DEPDC5: variants seen among roughly 807,000 people sequenced by gnomAD.
DEPDC5 encodes the protein GATOR1 complex protein DEPDC5.
A neutral mutation model predicts 217.3 loss-of-function variants in DEPDC5; 73 were observed. The observed-to-expected ratio is 0.34, with a 90% confidence interval of 0.28 to 0.41. The LOEUF (loss-of-function observed/expected upper bound fraction) is 0.41. DEPDC5 is among the 10% of genes least tolerant of loss of function. DEPDC5 has a pLI of 1.00. For missense variants in DEPDC5, 1,675 were observed against 2,070.1 expected (o/e 0.81, Z 3.70); for synonymous variants, 733 against 756.7 (o/e 0.97, Z 0.51).
At chr22:31,824,160 A>G (rs1365809005) in intron 24 of DEPDC5, among the ~76,000 whole-genome samples, 1 of 152,166 alleles carries the variant, frequency 6.6e-6, no homozygotes, top group East Asian at 1.9e-4. Context: ...AGCCTGGCCA[A>G]CGTGGTGAAA....
intron 38 of DEPDC5, among the ~76,000 whole-genome samples, chr22:31,886,698 T>C (rs1300047250): frequency 7.0e-6 from 1 of 142,880 alleles, no homozygotes; most frequent in African/African-American, 2.6e-5. Context: ...AAACGGAGGT[T>C]GCAGTGAGCC....
chr22:31,820,858 A>C lies in DEPDC5; in HGVS notation c.1871-644A>C, dbSNP rs1000100429. 4.6e-5 allele frequency among the ~76,000 whole-genome samples: 7 copies of C among 152,096 alleles called. No individual in the cohort carries two copies. The South Asian group carries it at 1.0e-3, about 23-fold the overall frequency. On this transcript the variant is annotated intron_variant, in intron 22 of 42. Transcript: ENST00000651528. ...AGGGTTCCCTGTCTTCCTCATTCCT[A>C]TCCTCAGAGGCTCTCTTCCTTCTTG... is the stretch of plus-strand genomic sequence containing the variant.
intron 33 of DEPDC5, among the ~76,000 whole-genome samples, chr22:31,862,579 A>G (rs1321226423): frequency 6.6e-6 from 1 of 152,232 alleles, no homozygotes; most frequent in East Asian, 1.9e-4. Flanking sequence ...AAATAATAAT[A>G]ACAAAATAGA....
chr22:31,873,078 G>C, intron 34 of DEPDC5, 177 bp from the exon 35 acceptor site: 3 of 1,280,448 alleles, frequency 2.3e-6, no homozygotes, highest in Non-Finnish European at 3.1e-6. Context: ...TTTTAAAATA[G>C]GAAACCCCCT....
chr22:31,795,043 A>C (rs1346628740), intron 12 of DEPDC5, among the ~76,000 whole-genome samples: 1 of 150,012 alleles, frequency 6.7e-6, no homozygotes, highest in African/African-American at 2.4e-5. Context: ...TTTCATAGAG[A>C]TGTGATCACA....
intron 21 of DEPDC5, among the ~76,000 whole-genome samples, chr22:31,818,031 A>AT (rs900182781): frequency 7.9e-5 from 12 of 151,878 alleles, no homozygotes; most frequent in African/African-American, 2.4e-4. Context: ...GCCAAGACAA[A>AT]TTCCTTGGAG....
chr22:31,835,432 C>T (rs2090921391), intron 25 of DEPDC5, among the ~76,000 whole-genome samples: 1 of 152,188 alleles, frequency 6.6e-6, no homozygotes, highest in South Asian at 2.1e-4. Flanking sequence ...AGAGACAGAA[C>T]ACCCTTAAAC....
intron 31 of DEPDC5, among the ~76,000 whole-genome samples, chr22:31,850,064 AG>A (rs1449029804): frequency 2.0e-5 from 3 of 152,128 alleles, no homozygotes; most frequent in Non-Finnish European, 4.4e-5. Flanking sequence ...GGTTGCAGTG[AG>A]CCGAGATTGT....
chr22:31,874,467 C>T, intron 36 of DEPDC5, 62 bp downstream of exon 36: 1 of 1,529,202 alleles, frequency 6.5e-7, no homozygotes, highest in Admixed American at 2.2e-5. Context: ...CAGGGCCTGC[C>T]TTAGAAGCCA....
chr22:31,821,709 A>G, intron 23 of DEPDC5, 72 bp downstream of exon 23: 1 of 1,564,070 alleles, frequency 6.4e-7, no homozygotes, highest in South Asian at 1.2e-5. Context: ...TGTGCAGAAC[A>G]GACTATTGAC....
In DEPDC5 at chr22:31,783,935, T is replaced by C. The variant is rs1313528044; in HGVS notation, c.512T>C (p.Val171Ala). Residue 171 changes from valine (V) to alanine (A), a missense_variant, in exon 9 of 43, where the codon GTT (valine) becomes GCT (alanine). This residue lies in a region of DEPDC5 where 628 missense variants were observed against 762.1 expected (regional missense o/e 0.82). Transcript: ENST00000651528. ...GTGTTTCGTTCTACGTCGGCTATGG[T>C]TTACATATTTATTCAGATGAGCTGT... ...RVVFRSTSAM[V>A]YIFIQMSCEM... 1 of 1,613,828 alleles carries C rather than the reference T, an allele frequency of 6.2e-7. No individual in the cohort carries two copies. Among genetic ancestry groups the C allele is most frequent in the Non-Finnish European group, 8.5e-7 (1 of 1,179,840 alleles).
Position 31,867,533 on chromosome 22 carries a change from T to C in DEPDC5, c.3331-3057T>C, listed in dbSNP as rs549828617. Among the ~76,000 whole-genome samples the C allele has an allele frequency of 3.3e-5, 5 of 152,298 alleles. No homozygotes were observed. The South Asian group carries it at 1.0e-3, about 32-fold the overall frequency. ...TAAAAGATACACATTGTGTGATACA[T>C]AGATAGAGCAGAGGTCAGGAAACTA... On this transcript the variant is annotated intron_variant, in intron 33 of 42. Coordinates refer to ENST00000651528, the MANE Select transcript of DEPDC5 (RefSeq NM_001242896.3).
chr22:31,869,565 TA>T (rs3069117), intron 33 of DEPDC5, among the ~76,000 whole-genome samples: 74,417 of 125,288 alleles, frequency 0.59, 23,146 homozygotes, highest in African/African-American at 0.83. Context: ...AGTCTGTCTT[TA>T]AAAAAAAAAA....
intron 4 of DEPDC5, 77 bp downstream of exon 4, chr22:31,760,779 C>T: frequency 8.0e-7 from 1 of 1,248,396 alleles, no homozygotes; most frequent in Admixed American, 2.3e-5. Flanking sequence ...TTCATAATTT[C>T]AAGGGATGAG....
chr22:31,805,324 G>C (rs981354805), intron 17 of DEPDC5, among the ~76,000 whole-genome samples: 1 of 151,924 alleles, frequency 6.6e-6, no homozygotes, highest in East Asian at 1.9e-4. Context: ...TCATCTTTTT[G>C]AACTATGACA....
chr22:31,799,256 C>T (rs1048568238), intron 14 of DEPDC5, among the ~76,000 whole-genome samples: 3 of 151,548 alleles, frequency 2.0e-5, no homozygotes, highest in African/African-American at 7.3e-5. Context: ...TGTTGGCCAG[C>T]ATGGTCTCGA....
intron 24 of DEPDC5, among the ~76,000 whole-genome samples, chr22:31,824,268 C>T (rs1312060122): frequency 6.6e-6 from 1 of 152,064 alleles, no homozygotes; most frequent in Admixed American, 6.6e-5. Flanking sequence ...ATTGCTTGAA[C>T]CTGGGAGGCG....
At position 31,859,079 on chromosome 22, in the gene DEPDC5, G is replaced by GTTTTTTTTT. The variant is rs136864; in HGVS notation, c.3264+1547_3264+1555dup. On this transcript the variant is annotated intron_variant, in intron 32 of 42. Coordinates refer to ENST00000651528, the MANE Select transcript of DEPDC5 (RefSeq NM_001242896.3). ...TTAAAGTTGTAAAAACCATTCCTTT[G>GTTTTTTTTT]TTTTTTTTTTTTTTTTTTTTTTTTT... 42 of 67,024 alleles carry GTTTTTTTTT rather than the reference G, an allele frequency of 6.3e-4. 1 individual carries two copies. The highest frequency in any genetic ancestry group is 8.1e-4 in the Non-Finnish European group (29 of 35,646). The allele number at this position is 67,024 out of a possible 1,614,324, so 4.2% of individuals were successfully genotyped here.
Position 31,906,552 on chromosome 22 carries a change from G to T in DEPDC5, c.*55G>T, listed in dbSNP as rs140870386. The T allele has an allele frequency of 6.3e-7, 1 of 1,589,374 alleles. No individual in the cohort carries two copies. Among genetic ancestry groups the T allele is most frequent in the Non-Finnish European group, 8.6e-7 (1 of 1,166,556 alleles). On this transcript the variant is annotated 3_prime_UTR_variant, in exon 43 of 43. Transcript: ENST00000651528. This position sits in a 1 kb window ranked among gnomAD's most constrained non-coding sequence, Gnocchi z 5.1. ...TGGGTGAGCCACTGCCCTCAAACCCGGGGCGGAGGATTCCAGGCAGGCTCT... is the reference window on the plus strand; with the variant it reads ...TGGGTGAGCCACTGCCCTCAAACCCTGGGCGGAGGATTCCAGGCAGGCTCT...
Sources: allele counts gnomAD v4.1 joint callset (sites outside exome capture counted in the v4.1 genomes callset), GRCh38; gene constraint gnomAD v4.1.1; regional missense constraint gnomAD v4.1.1; non-coding constraint Gnocchi (gnomAD v3.1); transcripts MANE v1.5; gene names NCBI Gene and HGNC (gene_info 2026-07-23, HGNC 2026-07-21).